The following CBFA2T2 variants were observed in gnomAD, a reference collection of about 807,000 sequenced individuals.
CBFA2T2 encodes CBFA2/RUNX1 partner transcriptional co-repressor 2.
In CBFA2T2, 11 loss-of-function variants were observed where a neutral mutation model predicts 62.2. That is an observed-to-expected ratio of 0.18 (90% CI 0.11 to 0.29). CBFA2T2 has a LOEUF of 0.29. CBFA2T2 is among the 10% of genes least tolerant of loss of function. CBFA2T2 has a pLI of 1.00. For missense variants in CBFA2T2, 592 were observed against 774.1 expected, an observed-to-expected ratio of 0.76 and a Z score of 2.79; for synonymous variants, 295 against 287.5, an observed-to-expected ratio of 1.03 and a Z score of -0.27.
At chr20:33,605,977 C>T (rs2015326315) in intron 1 of CBFA2T2, among the ~76,000 whole-genome samples, 1 of 152,004 alleles carries the variant, frequency 6.6e-6, no homozygotes, top group African/African-American at 2.4e-5. Flanking sequence ...CACCACCACA[C>T]CCAGCTAATT....
At chr20:33,635,589 C>T (rs1568869541) in intron 8 of CBFA2T2, among the ~76,000 whole-genome samples, 1 of 152,186 alleles carries the variant, frequency 6.6e-6, no homozygotes, top group Non-Finnish European at 1.5e-5. Context: ...ACATAGCAGC[C>T]TGGCACAATG....
rs1258176431 is a variant in CBFA2T2, at chr20:33,491,058, TC to T, written c.34+759del. ...CCATGATCTAATTGTTATTCTTACT[TC>T]CATTTAGCCATTCCAGTATTTATCT... is the stretch of plus-strand genomic sequence containing the variant. On this transcript the variant is annotated intron_variant, in intron 1 of 10. Transcript: ENST00000342704. 1.7e-4 allele frequency among the ~76,000 whole-genome samples: 26 copies of T among 152,210 alleles called. 1 individual carries two copies. Among genetic ancestry groups the T allele is most frequent in the Admixed American group, 1.7e-3 (26 of 15,260 alleles).
chr20:33,528,204 T>G (rs1277681448), intron 1 of CBFA2T2, among the ~76,000 whole-genome samples: 1 of 152,226 alleles, frequency 6.6e-6, no homozygotes, highest in Non-Finnish European at 1.5e-5. Context: ...AAAGTTTACT[T>G]CTCTCAGATC....
At position 33,520,729 on chromosome 20, in the gene CBFA2T2, C is replaced by T. The variant is rs1240595956; in HGVS notation, c.34+30428C>T. Among the ~76,000 whole-genome samples, 6 of 151,960 alleles carry T rather than the reference C, an allele frequency of 3.9e-5. No individual in the cohort carries two copies. In the East Asian group the frequency reaches 7.7e-4, roughly 20 times the overall value. ...AGTTTGCAGTGAGCTGAGATCATGC[C>T]GCTGCACTCCAGCCTTGGTGACAGA... On this transcript the variant is annotated intron_variant, in intron 1 of 10. Coordinates refer to ENST00000342704, the MANE Select transcript of CBFA2T2 (RefSeq NM_001032999.3).
intron 3 of CBFA2T2, among the ~76,000 whole-genome samples, chr20:33,615,059 G>A (rs1196559327): frequency 1.3e-5 from 2 of 152,184 alleles, no homozygotes; most frequent in African/African-American, 4.8e-5. Flanking sequence ...GGTTTCATAT[G>A]TGTGGTGTGT....
intron 1 of CBFA2T2, among the ~76,000 whole-genome samples, chr20:33,584,608 G>A (rs1175080109): frequency 3.3e-5 from 5 of 152,082 alleles, no homozygotes; most frequent in Non-Finnish European, 5.9e-5. Flanking sequence ...CATCAGGTAA[G>A]CTCTAGTCAG....
chr20:33,496,746 G>A (rs902197626), intron 1 of CBFA2T2, among the ~76,000 whole-genome samples: 13 of 152,170 alleles, frequency 8.5e-5, no homozygotes, highest in African/African-American at 3.1e-4. Context: ...ATCGGAAAGT[G>A]CATCAGAAAG....
At chr20:33,581,095 A>G (rs113863638) in intron 1 of CBFA2T2, among the ~76,000 whole-genome samples, 16,905 of 130,194 alleles carry the variant, frequency 0.13, 2,642 homozygotes, top group African/African-American at 0.37. Flanking sequence ...ACAGAGTTTC[A>G]CTCTGTCACC....
At chr20:33,612,408 C>T (rs900168951) in intron 3 of CBFA2T2, among the ~76,000 whole-genome samples, 4 of 152,118 alleles carry the variant, frequency 2.6e-5, no homozygotes, top group African/African-American at 9.7e-5. Context: ...TGCAGCTCTC[C>T]GAGTGTAAAT....
At chr20:33,516,543 G>A (rs149413952) in intron 1 of CBFA2T2, among the ~76,000 whole-genome samples, 85 of 152,362 alleles carry the variant, frequency 5.6e-4, no homozygotes, top group African/African-American at 2.0e-3. Flanking sequence ...GGAGGCCGAG[G>A]TGGGCAGATC....
intron 1 of CBFA2T2, among the ~76,000 whole-genome samples, chr20:33,512,014 T>C (rs1009634814): frequency 2.0e-5 from 3 of 151,844 alleles, no homozygotes; most frequent in African/African-American, 7.3e-5. Flanking sequence ...CTGCCTCTAC[T>C]AAAAATACAA....
intron 1 of CBFA2T2, among the ~76,000 whole-genome samples, chr20:33,504,970 G>T (rs546676117): frequency 6.6e-6 from 1 of 152,248 alleles, no homozygotes; most frequent in African/African-American, 2.4e-5. Flanking sequence ...GGTTAGTGCA[G>T]TTCTTATTTA....
At chr20:33,532,766 G>A (rs1231275346) in intron 1 of CBFA2T2, among the ~76,000 whole-genome samples, 2 of 152,214 alleles carry the variant, frequency 1.3e-5, no homozygotes, top group Non-Finnish European at 2.9e-5. Context: ...CAGTTTAAAA[G>A]CTGACAGGCC....
At chr20:33,538,848 G>GT (rs949957123) in intron 1 of CBFA2T2, among the ~76,000 whole-genome samples, 616 of 133,938 alleles carry the variant, frequency 4.6e-3, no homozygotes, top group East Asian at 0.018. Context: ...ATTGTTGTTT[G>GT]TTTTTTTTTT....
chr20:33,537,019 G>A (rs1316369573), intron 1 of CBFA2T2, among the ~76,000 whole-genome samples: 2 of 151,966 alleles, frequency 1.3e-5, no homozygotes, highest in East Asian at 3.9e-4. Context: ...CAGCCAGGCA[G>A]AGGGGCTCCT....
intron 5 of CBFA2T2, 30 bp from the exon 6 acceptor site, chr20:33,624,734 A>G: frequency 1.2e-6 from 2 of 1,610,614 alleles, no homozygotes; most frequent in Non-Finnish European, 1.7e-6. Context: ...TGTTGACAGG[A>G]TCAGATACGC....
chr20:33,497,784 G>A (rs1369654546), intron 1 of CBFA2T2, among the ~76,000 whole-genome samples: 4 of 152,038 alleles, frequency 2.6e-5, no homozygotes, highest in East Asian at 1.9e-4. Context: ...ACTTGACCTC[G>A]TGATCTGCCC....
intron 1 of CBFA2T2, among the ~76,000 whole-genome samples, chr20:33,579,405 A>G (rs2014001710): frequency 6.6e-6 from 1 of 151,808 alleles, no homozygotes; most frequent in African/African-American, 2.4e-5. Context: ...ATGGGCAGAA[A>G]ACTTTAATTT....
intron 2 of CBFA2T2, among the ~76,000 whole-genome samples, chr20:33,610,799 T>C (rs894678563): frequency 1.3e-5 from 2 of 152,128 alleles, no homozygotes; most frequent in African/African-American, 2.4e-5. Flanking sequence ...AAGCACTACC[T>C]GTTGCAGGAA....
Sources: gnomAD v4.1 joint callset for allele counts (sites outside exome capture counted in the v4.1 genomes callset) on GRCh38, gnomAD v4.1.1 for gene constraint, MANE v1.5 for transcripts, NCBI Gene and HGNC (gene_info 2026-07-23, HGNC 2026-07-21) for gene names.